UGT1A9: variants seen among roughly 807,000 people sequenced by gnomAD.
UGT1A9 encodes the protein UDP-glucuronosyltransferase 1A9.
UGT1A9 carries 35 observed loss-of-function variants against 45.0 expected under a neutral mutation model. The ratio of observed to expected loss-of-function variants is 0.78; its 90% CI spans 0.59 to 1.03. UGT1A9 has a LOEUF of 1.03. Ranked by LOEUF, UGT1A9 falls within the 50% of genes least tolerant of loss-of-function variation. The pLI, the probability that UGT1A9 is intolerant of heterozygous loss-of-function variation, is 0.00. For synonymous variants in UGT1A9, 278 were observed against 250.6 expected, an observed-to-expected ratio of 1.11 and a Z score of -1.03; for missense variants, 687 against 666.6, an observed-to-expected ratio of 1.03 and a Z score of -0.34.
intron 1 of UGT1A9, among the ~76,000 whole-genome samples, chr2:233,686,386 C>T (rs976765081): frequency 6.6e-6 from 1 of 152,054 alleles, no homozygotes; most frequent in Non-Finnish European, 1.5e-5. Flanking sequence ...AAAGACAACT[C>T]GTGTGGGCGC....
chr2:233,691,378 G>C (rs1273404104), intron 1 of UGT1A9: 37 of 985,462 alleles, frequency 3.8e-5, no homozygotes, highest in Non-Finnish European at 4.3e-5. Flanking sequence ...TCCTGGTTAT[G>C]TTCCCCATGG....
At chr2:233,730,371 T>C (rs1375924319) in intron 1 of UGT1A9, among the ~76,000 whole-genome samples, 1 of 152,196 alleles carries the variant, frequency 6.6e-6, no homozygotes, top group Non-Finnish European at 1.5e-5. Flanking sequence ...AGCATGATTT[T>C]CAGGGGAAAG....
intron 3 of UGT1A9, 45 bp downstream of exon 3, chr2:233,767,981 T>G: frequency 6.2e-7 from 1 of 1,614,178 alleles, no homozygotes; most frequent in Non-Finnish European, 8.5e-7. Flanking sequence ...AGGGTCAAAT[T>G]AAGAAAATGG....
At chr2:233,695,729 A>G (rs1390591347) in intron 1 of UGT1A9, among the ~76,000 whole-genome samples, 2 of 152,158 alleles carry the variant, frequency 1.3e-5, no homozygotes, top group Admixed American at 1.3e-4. Context: ...AGTTACATTT[A>G]TGTTGCTGCA....
chr2:233,761,137 A>T, intron 1 of UGT1A9: 2 of 1,614,180 alleles, frequency 1.2e-6, no homozygotes, highest in Non-Finnish European at 1.7e-6. Flanking sequence ...CCTTCACCAA[A>T]ATCCACTATC....
chr2:233,769,665 G>T lies in UGT1A9; in HGVS notation c.1295+1226G>T. 6.3e-7 allele frequency: 1 copy of T among 1,592,194 alleles called. No homozygotes were observed. The highest frequency in any genetic ancestry group is 1.1e-5 in the South Asian group (1 of 88,390). The stretch of plus-strand genomic sequence containing the variant: ...TGATGACTGACTTCCCACCTTTGAG[G>T]TGCTAATGTGTGTGTGGTGGCACTG... On this transcript the variant is annotated intron_variant, in intron 4 of 4. Transcript: ENST00000354728. The surrounding 1 kb of genome is among the most constrained non-coding windows in gnomAD (Gnocchi z 4.4).
At position 233,682,800 on chromosome 2, in the gene UGT1A9, AT is replaced by A. The variant is rs111931772; in HGVS notation, c.855+10012del. 5 of 1,609,792 alleles carry A rather than the reference AT, an allele frequency of 3.1e-6. No individual in the cohort carries two copies. The African/African-American group carries it at 4.0e-5, about 13-fold the overall frequency. On this transcript the variant is annotated intron_variant, in intron 1 of 4. Transcript: ENST00000354728. The stretch of plus-strand genomic sequence containing the variant: ...GGAAAGCCAGTGCCTATGGTAAGTT[AT>A]CTCCCCTTTAGCACATTAAGAATAA...
chr2:233,712,533 T>C (rs1374295452), intron 1 of UGT1A9, among the ~76,000 whole-genome samples: 1 of 152,156 alleles, frequency 6.6e-6, no homozygotes, highest in Non-Finnish European at 1.5e-5. Flanking sequence ...GTGTTACCCA[T>C]ATGTGGGAAG....
chr2:233,748,870 C>T (rs930859259), intron 1 of UGT1A9, among the ~76,000 whole-genome samples: 9 of 151,444 alleles, frequency 5.9e-5, no homozygotes, highest in Non-Finnish European at 1.0e-4. Flanking sequence ...AAGCTGGGGA[C>T]GGTGATGAAT....
rs944391861 is a variant in UGT1A9, at chr2:233,772,995, T to C, written c.*436T>C. ...ACCAATAATGGTCAGTCCTCATCTC[T>C]GTCGTGCTTCATAGGTGCCACCTTG... On this transcript the variant is annotated 3_prime_UTR_variant, in exon 5 of 5. Transcript: ENST00000354728. The C allele has an allele frequency of 2.4e-5, 6 of 254,024 alleles. No individual in the cohort carries two copies. The highest frequency in any genetic ancestry group is 1.4e-4 in the African/African-American group (6 of 44,320). The allele number at this position is 254,024 out of a possible 1,614,324, so 15.7% of individuals were successfully genotyped here.
At chr2:233,760,083 G>C (rs1163366183) in intron 1 of UGT1A9, among the ~76,000 whole-genome samples, 1 of 152,198 alleles carries the variant, frequency 6.6e-6, no homozygotes, top group Non-Finnish European at 1.5e-5. Context: ...ATTCCAGCCA[G>C]TTCAACTGTT....
intron 1 of UGT1A9, among the ~76,000 whole-genome samples, chr2:233,688,923 A>C (rs1387131150): frequency 6.6e-6 from 1 of 152,104 alleles, no homozygotes; most frequent in Non-Finnish European, 1.5e-5. Context: ...CCAAGCAGGG[A>C]AGATGGCAGG....
intron 1 of UGT1A9, chr2:233,713,987 A>C: frequency 6.3e-7 from 1 of 1,580,416 alleles, no homozygotes; most frequent in Non-Finnish European, 8.6e-7. Flanking sequence ...CATTGTTGTA[A>C]TAGTCTTCAG....
intron 1 of UGT1A9, among the ~76,000 whole-genome samples, chr2:233,686,422 C>T (rs1254685697): frequency 6.6e-6 from 1 of 152,122 alleles, no homozygotes; most frequent in African/African-American, 2.4e-5. Flanking sequence ...CAGATAAACA[C>T]ACGCATGCTT....
intron 1 of UGT1A9, chr2:233,689,899 G>A (rs1300313020): frequency 2.2e-6 from 1 of 456,498 alleles, no homozygotes; most frequent in South Asian, 1.5e-5. Context: ...TATTTCTCAG[G>A]GCCAGGTAGG....
chr2:233,730,126 G>A, intron 1 of UGT1A9: 1 of 1,542,516 alleles, frequency 6.5e-7, no homozygotes, highest in Non-Finnish European at 8.7e-7. Flanking sequence ...TGTCATAATA[G>A]CCTTCAGTGA....
At chr2:233,767,707 G>A (rs571789905) in intron 2 of UGT1A9, 142 bp from the exon 3 acceptor site, 2 of 1,523,576 alleles carry the variant, frequency 1.3e-6, no homozygotes, top group Non-Finnish European at 1.8e-6. Context: ...CCAGTCCTCA[G>A]AAGCCTTCAC....
chr2:233,749,719 G>C (rs1207301331), intron 1 of UGT1A9, among the ~76,000 whole-genome samples: 2 of 151,972 alleles, frequency 1.3e-5, no homozygotes, highest in East Asian at 3.9e-4. Context: ...CATGGGGGCA[G>C]TTTCGCACCT....
intron 1 of UGT1A9, chr2:233,747,962 C>T (rs780665543): frequency 3.7e-6 from 6 of 1,613,470 alleles, no homozygotes; most frequent in Non-Finnish European, 4.2e-6. Context: ...ATCTTCTCAG[C>T]CATGCATCTG....
Sources: gnomAD v4.1 joint callset for allele counts (sites outside exome capture counted in the v4.1 genomes callset) on GRCh38, gnomAD v4.1.1 for gene constraint, Gnocchi (gnomAD v3.1) non-coding constraint, MANE v1.5 for transcripts, NCBI Gene and HGNC (gene_info 2026-07-23, HGNC 2026-07-21) for gene names.